The following YTHDF3 variants were observed in gnomAD, a reference collection of about 807,000 sequenced individuals.
YTHDF3 encodes YTH N6-methyladenosine RNA binding protein F3, also known as YTH domain-containing family protein 3.
A neutral mutation model predicts 52.5 loss-of-function variants in YTHDF3; 9 were observed. The observed-to-expected ratio is 0.17, with a 90% confidence interval of 0.10 to 0.30. YTHDF3 has a LOEUF of 0.30. Among genes scored for constraint, YTHDF3 ranks in the 10% least tolerant of loss-of-function variants. YTHDF3 has a pLI of 1.00. For missense variants in YTHDF3, 534 were observed against 715.0 expected, an observed-to-expected ratio of 0.75 and a Z score of 2.89; for synonymous variants, 274 against 243.3, an observed-to-expected ratio of 1.13 and a Z score of -1.18.
chr8:63,208,449 T>C (rs1810178575), intron 4 of YTHDF3, among the ~76,000 whole-genome samples: 1 of 152,230 alleles, frequency 6.6e-6, no homozygotes, highest in South Asian at 2.1e-4. Context: ...TGAGAGTCTT[T>C]TAATGTGTTA....
chr8:63,187,559 A>G lies in YTHDF3; in HGVS notation c.1548A>G (p.Leu516=), dbSNP rs755910047. 7 of 1,613,976 alleles carry G rather than the reference A, an allele frequency of 4.3e-6. No homozygotes were observed. Among genetic ancestry groups the G allele is most frequent in the East Asian group, 4.5e-5 (2 of 44,870 alleles). ...TCAAAGATGTTCCCAATAACCAATT[A>G]CGGCATATTCGCTTAGAAAATAATG... ...IFVKDVPNNQ[L]RHIRLENNDN... The change falls in exon 4 of 5, where the codon TTA becomes TTG. Residue 516 remains leucine (L), a synonymous_variant. Coordinates refer to ENST00000539294, the MANE Select transcript of YTHDF3 (RefSeq NM_152758.6).
At chr8:63,209,247 GT>G (rs943279383) in intron 4 of YTHDF3, among the ~76,000 whole-genome samples, 1 of 151,978 alleles carries the variant, frequency 6.6e-6, no homozygotes, top group Non-Finnish European at 1.5e-5. Context: ...GTGATTTAAA[GT>G]TTTTTTTATT....
chr8:63,170,138 ATTTAG>A (rs1807209951), intron 2 of YTHDF3, among the ~76,000 whole-genome samples: 1 of 152,222 alleles, frequency 6.6e-6, no homozygotes, highest in Non-Finnish European at 1.5e-5. Context: ...GTCATGTGAC[ATTTAG>A]TTAAGTATAG....
chr8:63,178,665 A>G (rs1372363637), intron 3 of YTHDF3, among the ~76,000 whole-genome samples: 2 of 152,238 alleles, frequency 1.3e-5, no homozygotes, highest in African/African-American at 2.4e-5. Context: ...AATATTAAAA[A>G]TAATTATCTC....
intron 4 of YTHDF3, among the ~76,000 whole-genome samples, chr8:63,207,480 A>AT (rs1429568423): frequency 6.6e-6 from 1 of 151,510 alleles, no homozygotes; most frequent in East Asian, 2.0e-4. Context: ...TCTAATCTAG[A>AT]TTTTTTTCAA....
chr8:63,187,849 C>T, intron 4 of YTHDF3, 104 bp downstream of exon 4: 1 of 1,267,420 alleles, frequency 7.9e-7, no homozygotes, highest in Non-Finnish European at 1.1e-6. Context: ...AAACCAACTA[C>T]TTAAGAAACA....
intron 3 of YTHDF3, chr8:63,175,840 G>A (rs1312812697): frequency 6.5e-6 from 1 of 154,776 alleles, no homozygotes; most frequent in Non-Finnish European, 1.4e-5. Context: ...GTCAAATGTA[G>A]TGTTTTCTTT....
At chr8:63,188,255 C>G (rs1212784930) in intron 4 of YTHDF3, among the ~76,000 whole-genome samples, 1 of 152,002 alleles carries the variant, frequency 6.6e-6, no homozygotes, top group African/African-American at 2.4e-5. Flanking sequence ...CCTTAGACTC[C>G]CAAGTAGCTG....
rs1243109893 is a variant in YTHDF3, at chr8:63,210,688, A to G, written c.*982A>G. 3 of 152,616 alleles carry G rather than the reference A, an allele frequency of 2.0e-5. No individual in the cohort carries two copies. The highest frequency in any genetic ancestry group is 6.5e-5 in the Admixed American group (1 of 15,274). 9.5% of individuals were successfully genotyped at this position (152,616 alleles called of 1,614,324 possible). A position where few individuals can be genotyped will look rare whatever the true frequency, so the allele number is the denominator to read the frequency against. On this transcript the variant is annotated 3_prime_UTR_variant, in exon 5 of 5. Transcript: ENST00000539294. ...TCTCCAGCTTTTGCAGTGTCCTGGC[A>G]TCCTTAAAATACTTTGAAAATATGG...
In YTHDF3 at chr8:63,209,851, A is replaced by G. The variant is rs965214085; in HGVS notation, c.*145A>G. The stretch of plus-strand genomic sequence containing the variant: ...TTAACACAAAGTTGACTCTTCTCGT[A>G]ATGGTTTTCATCAGCGCATCTGCCC... On this transcript the variant is annotated 3_prime_UTR_variant, in exon 5 of 5. Transcript: ENST00000539294. The G allele has an allele frequency of 6.4e-6, 5 of 786,730 alleles. No individual in the cohort carries two copies. The highest frequency in any genetic ancestry group is 9.8e-6 in the Non-Finnish European group (5 of 510,170). The allele number at this position is 786,730 out of a possible 1,614,324, so 48.7% of individuals were successfully genotyped here.
rs141942111 is a variant in YTHDF3, at chr8:63,199,521, G to A, written c.1735-10162G>A. ...TTCTTCAGCAAATACATGATAACTT[G>A]AGTAGCAATATAATTAACCTTAGGT... On this transcript the variant is annotated intron_variant, in intron 4 of 4. Coordinates refer to ENST00000539294, the MANE Select transcript of YTHDF3 (RefSeq NM_152758.6). 7.9e-5 allele frequency among the ~76,000 whole-genome samples: 12 copies of A among 152,240 alleles called. No homozygotes were observed. The East Asian group carries it at 2.3e-3, about 29-fold the overall frequency.
In YTHDF3 at chr8:63,168,706, C is replaced by T. The variant is rs987828048; in HGVS notation, c.-172C>T. ...GGAGCGTGCAAGCGGAAAAGACGGG[C>T]CTCTTCCTCCGACTCCCGAGCGCGA... On this transcript the variant is annotated 5_prime_UTR_variant, in exon 1 of 5. Coordinates refer to ENST00000539294, the MANE Select transcript of YTHDF3 (RefSeq NM_152758.6). 2 of 1,273,698 alleles carry T rather than the reference C, an allele frequency of 1.6e-6. No homozygotes were observed. Among genetic ancestry groups the T allele is most frequent in the Admixed American group, 2.1e-5 (1 of 48,332 alleles). 78.9% of individuals were successfully genotyped at this position (1,273,698 alleles called of 1,614,324 possible). A position where few individuals can be genotyped will look rare whatever the true frequency, so the allele number is the denominator to read the frequency against.
rs572768582 is a variant in YTHDF3 at position 63,197,716 on chromosome 8, G to C, written c.1734+9971G>C. Reference sequence around the variant, plus strand: ...GAATTGATAAGCAATTTTTGTATTAGTATGCTATTTAAATTTATAATGGCA... The same window carrying C: ...GAATTGATAAGCAATTTTTGTATTACTATGCTATTTAAATTTATAATGGCA... On this transcript the variant is annotated intron_variant, in intron 4 of 4. Transcript: ENST00000539294. Among the ~76,000 whole-genome samples, 16 of 152,272 alleles carry C rather than the reference G, an allele frequency of 1.1e-4. No individual in the cohort carries two copies. The East Asian group carries it at 3.1e-3, about 29-fold the overall frequency.
At chr8:63,182,274 T>A (rs1446890889) in intron 3 of YTHDF3, among the ~76,000 whole-genome samples, 1 of 148,870 alleles carries the variant, frequency 6.7e-6, no homozygotes, top group Non-Finnish European at 1.5e-5. Flanking sequence ...AGATAGTCTC[T>A]TGTGCAGGCT....
intron 3 of YTHDF3, among the ~76,000 whole-genome samples, chr8:63,179,131 T>C (rs1360679502): frequency 6.6e-6 from 1 of 152,222 alleles, no homozygotes; most frequent in Non-Finnish European, 1.5e-5. Flanking sequence ...TTTCTACTTA[T>C]GTGGCAGCAT....
chr8:63,172,333 C>T (rs1311847200), intron 2 of YTHDF3, among the ~76,000 whole-genome samples: 9 of 152,136 alleles, frequency 5.9e-5, no homozygotes, highest in Admixed American at 5.2e-4. Context: ...CCTTTCTCCT[C>T]TAAGTTTATA....
intron 2 of YTHDF3, chr8:63,172,830 A>C (rs1157816432): frequency 8.1e-7 from 1 of 1,229,500 alleles, no homozygotes; most frequent in African/African-American, 1.6e-5. Flanking sequence ...CCCCTGAAGA[A>C]ATTTTACAGA....
chr8:63,168,572 C>A, upstream of YTHDF3: 3 of 522,644 alleles, frequency 5.7e-6, no homozygotes, highest in Middle Eastern at 5.2e-4. Context: ...GAGGTGAGCG[C>A]GGACGTCAGA....
chr8:63,187,835 A>G, intron 4 of YTHDF3, 90 bp downstream of exon 4: 1 of 1,386,206 alleles, frequency 7.2e-7, no homozygotes. Flanking sequence ...ACTTTCTGTG[A>G]AGGAAACCAA....
Sources: gnomAD v4.1 joint callset for allele counts (sites outside exome capture counted in the v4.1 genomes callset) on GRCh38, gnomAD v4.1.1 for gene constraint, MANE v1.5 for transcripts, NCBI Gene and HGNC (gene_info 2026-07-23, HGNC 2026-07-21) for gene names.